The following TRMT11 variants were observed in gnomAD, a reference collection of about 807,000 sequenced individuals.
TRMT11 encodes the protein tRNA methyltransferase 11.
In TRMT11, 53 loss-of-function variants were observed where a neutral mutation model predicts 62.8. That is an observed-to-expected ratio of 0.84 (90% CI 0.68 to 1.06). The LOEUF (loss-of-function observed/expected upper bound fraction) is 1.06, where lower values mean the gene tolerates loss of function less well. Ranked by LOEUF, TRMT11 falls within the 50% of genes least tolerant of loss-of-function variation. The pLI is 0.00. For missense variants in TRMT11, 556 were observed against 553.4 expected (o/e 1.00, Z -0.05); for synonymous variants, 188 against 190.3 (o/e 0.99, Z 0.10).
rs56176946 is a variant in TRMT11, at chr6:126,093,585, GTATATATATATATATATATATATATA to G, written c.*1438-19259_*1438-19234del. 2.0e-3 allele frequency among the ~76,000 whole-genome samples: 92 copies of G among 46,690 alleles called. 5 individuals are homozygous for G. Among genetic ancestry groups the G allele is most frequent in the South Asian group, 8.7e-3 (9 of 1,030 alleles). The allele number at this position is 46,690 out of a possible 152,430, so 30.6% of individuals were successfully genotyped here. A position where few individuals can be genotyped will look rare whatever the true frequency, so the allele number is the denominator to read the frequency against. ...CTAGTGTAGGTAACAGGATATGTATGTATATATATATATATATATATATATATATATATATATATATATATATTTTC... is the reference window on the plus strand; with the variant it reads ...CTAGTGTAGGTAACAGGATATGTATGTATATATATATATATATATATTTTC... On this transcript the variant is annotated intron_variant and NMD_transcript_variant, in intron 17 of 22. Coordinates refer to the TRMT11 transcript ENST00000648977.
At chr6:126,228,944 T>A in the TRMT11 span, among the ~76,000 whole-genome samples, 3 of 152,212 alleles carry the variant, frequency 2.0e-5, no homozygotes, top group Non-Finnish European at 4.4e-5. Context: ...TTCAAATTAG[T>A]TCTGGTGCTT....
intron 16 of TRMT11, among the ~76,000 whole-genome samples, chr6:126,044,376 A>G (rs567972069): frequency 2.0e-5 from 3 of 152,242 alleles, no homozygotes; most frequent in Non-Finnish European, 4.4e-5. Flanking sequence ...GATATGCGGC[A>G]TTATTTCTGA....
chr6:126,059,203 G>A (rs1430316804), intron 17 of TRMT11, among the ~76,000 whole-genome samples: 3 of 151,898 alleles, frequency 2.0e-5, no homozygotes, highest in East Asian at 1.9e-4. Flanking sequence ...TCTTTATTAG[G>A]ACACTTAGTC....
intron 1 of TRMT11, among the ~76,000 whole-genome samples, chr6:126,190,215 C>G (rs1178420813): frequency 6.6e-6 from 1 of 152,130 alleles, no homozygotes. Context: ...TCCCCTTTTC[C>G]TTCTGATGTG....
chr6:126,201,346 T>A (rs1270419090), intron 3 of TRMT11, among the ~76,000 whole-genome samples: 1 of 152,262 alleles, frequency 6.6e-6, no homozygotes, highest in African/African-American at 2.4e-5. Context: ...ACAAATTGCT[T>A]TCCTTAGATA....
chr6:126,264,269 CTCTT>C, the TRMT11 span, among the ~76,000 whole-genome samples: 2 of 152,076 alleles, frequency 1.3e-5, no homozygotes, highest in Non-Finnish European at 1.5e-5. Context: ...TATTTATTTT[CTCTT>C]TCTTTTTTTC....
chr6:126,263,826 A>G, the TRMT11 span, among the ~76,000 whole-genome samples: 3 of 152,344 alleles, frequency 2.0e-5, no homozygotes, highest in East Asian at 5.8e-4. Flanking sequence ...AACCTCAGAA[A>G]GAGACTTTGA....
chr6:126,048,553 T>C (rs570679684), intron 16 of TRMT11, among the ~76,000 whole-genome samples: 21 of 152,344 alleles, frequency 1.4e-4, no homozygotes, highest in African/African-American at 4.8e-4. Context: ...CATTCTCTGA[T>C]GAGACCAGCT....
At chr6:126,047,988 C>G (rs768299011) in intron 16 of TRMT11, among the ~76,000 whole-genome samples, 3 of 152,196 alleles carry the variant, frequency 2.0e-5, no homozygotes, top group Non-Finnish European at 2.9e-5. Context: ...ATCATTAATG[C>G]AACAGACCTA....
the TRMT11 span, among the ~76,000 whole-genome samples, chr6:126,250,407 T>C: frequency 6.6e-6 from 1 of 152,230 alleles, no homozygotes; most frequent in East Asian, 1.9e-4. Context: ...AAATAGCTGA[T>C]ATTTAAAGAT....
chr6:126,009,420 C>A (rs996782372), intron 8 of TRMT11: 5 of 151,796 alleles, frequency 3.3e-5, no homozygotes, highest in Admixed American at 1.3e-4. Flanking sequence ...AAAAGTATTT[C>A]CTTATAGCTT....
At chr6:126,051,811 G>A (rs561187633) in intron 16 of TRMT11, among the ~76,000 whole-genome samples, 1 of 152,260 alleles carries the variant, frequency 6.6e-6, no homozygotes, top group South Asian at 2.1e-4. Flanking sequence ...TATGGTACAA[G>A]CATGAAGAAC....
downstream of TRMT11, among the ~76,000 whole-genome samples, chr6:126,042,404 A>T (rs1293525734): frequency 6.6e-6 from 1 of 151,872 alleles, no homozygotes; most frequent in East Asian, 1.9e-4. Flanking sequence ...TCTTTGGGGG[A>T]TGGAGGTTTA....
At chr6:126,261,493 C>T in the TRMT11 span, among the ~76,000 whole-genome samples, 1 of 151,802 alleles carries the variant, frequency 6.6e-6, no homozygotes, top group Non-Finnish European at 1.5e-5. Flanking sequence ...GTCATGCATG[C>T]TTCCTTGGTT....
chr6:126,061,444 T>C (rs1237313407), intron 17 of TRMT11, among the ~76,000 whole-genome samples: 1 of 152,310 alleles, frequency 6.6e-6, no homozygotes, highest in Non-Finnish European at 1.5e-5. Context: ...TCTGAAATCA[T>C]TTGTCTTGCC....
At position 126,108,761 on chromosome 6, in the gene TRMT11, A is replaced by G. The variant is rs140065608; in HGVS notation, c.*1438-4105A>G. Among the ~76,000 whole-genome samples, 659 of 152,318 alleles carry G rather than the reference A, an allele frequency of 4.3e-3. 4 individuals carry two copies. Among genetic ancestry groups the G allele is most frequent in the South Asian group, 0.02 (96 of 4,826 alleles). ...AATGTAGAAAGATGGACAGCATGAC[A>G]TTCTACCAGCAATTGATCTGAGGGA... On this transcript the variant is annotated intron_variant and NMD_transcript_variant, in intron 17 of 22. Coordinates refer to the TRMT11 transcript ENST00000648977.
At chr6:126,181,948 A>G (rs1259475922) in intron 1 of TRMT11, among the ~76,000 whole-genome samples, 6 of 152,216 alleles carry the variant, frequency 3.9e-5, no homozygotes, top group Non-Finnish European at 7.3e-5. Context: ...CCTGTCAAAA[A>G]CAGATATTTC....
rs1273849451 is a variant in TRMT11 at position 126,009,616 on chromosome 6, G to A, written c.760+1144G>A. On this transcript the variant is annotated intron_variant, in intron 8 of 12. Transcript: ENST00000334379. Reference sequence around the variant, plus strand: ...TTTTGTGGAAGTAATTTGATATCTTGTACTGGTGACCTGTCTTTTTCCCTA... The same window carrying A: ...TTTTGTGGAAGTAATTTGATATCTTATACTGGTGACCTGTCTTTTTCCCTA... Among the ~76,000 whole-genome samples the A allele has an allele frequency of 3.3e-5, 5 of 151,774 alleles. No homozygotes were observed. In the East Asian group the frequency reaches 7.7e-4, roughly 23 times the overall value.
intron 17 of TRMT11, among the ~76,000 whole-genome samples, chr6:126,106,336 G>A (rs765125344): frequency 2.0e-5 from 3 of 151,988 alleles, no homozygotes; most frequent in East Asian, 3.9e-4. Context: ...GTAGAGACAG[G>A]GTTTCACCAT....
Sources: allele counts gnomAD v4.1 joint callset (sites outside exome capture counted in the v4.1 genomes callset), GRCh38; gene constraint gnomAD v4.1.1; transcripts MANE v1.5; gene names NCBI Gene and HGNC (gene_info 2026-07-23, HGNC 2026-07-21).